DENND11: variants seen among roughly 807,000 people sequenced by gnomAD.
DENND11 encodes the protein DENN domain-containing protein 11.
In DENND11, 34 loss-of-function variants were observed where a neutral mutation model predicts 49.2. The observed-to-expected ratio is 0.69, with a 90% confidence interval of 0.53 to 0.92. DENND11 has a LOEUF of 0.92. Among genes scored for constraint, DENND11 ranks in the 40% least tolerant of loss-of-function variants. DENND11 has a pLI of 0.00. For missense variants in DENND11, 475 were observed against 581.6 expected (o/e 0.82, Z 1.88); for synonymous variants, 238 against 230.3 (o/e 1.03, Z -0.30).
chr7:141,695,167 G>A (rs1465540064), intron 1 of DENND11, among the ~76,000 whole-genome samples: 9 of 150,788 alleles, frequency 6.0e-5, no homozygotes, highest in South Asian at 2.1e-4. Flanking sequence ...TTTTTTTGCC[G>A]CACAGTGATT....
At chr7:141,694,297 A>G (rs4584068) in intron 1 of DENND11, among the ~76,000 whole-genome samples, 151,654 of 152,306 alleles carry the variant, frequency 1, 75,504 homozygotes, top group Middle Eastern at 1. Flanking sequence ...AAGAGACAGG[A>G]TTGCCCAGGC....
In DENND11 at chr7:141,662,702, T is replaced by C. The variant is rs974104174; in HGVS notation, c.1322A>G (p.Tyr441Cys). The C allele has an allele frequency of 6.8e-6, 11 of 1,608,714 alleles. No homozygotes were observed. Among genetic ancestry groups the C allele is most frequent in the African/African-American group, 1.3e-5 (1 of 74,680 alleles). ...GATAACCAGCATGACATCAATGCCATAGGCCTCCAGCAGGTCCAGGAGAAA... is the reference window on the plus strand; with the variant it reads ...GATAACCAGCATGACATCAATGCCACAGGCCTCCAGCAGGTCCAGGAGAAA... The part of the protein sequence containing the change: ...RSFLLDLLEA[Y>C]GIDVMLVIDN... Residue 441 changes from tyrosine (Y) to cysteine (C), a missense_variant, in exon 9 of 9, where the codon TAT becomes TGT. Coordinates refer to ENST00000536163, the MANE Select transcript of DENND11 (RefSeq NM_001080392.2).
intron 8 of DENND11, 113 bp downstream of exon 8, chr7:141,664,059 G>A (rs1797846964): frequency 6.8e-6 from 6 of 879,456 alleles, no homozygotes; most frequent in Admixed American, 2.1e-5. Flanking sequence ...AAGTGCCCTT[G>A]GCAGCAATAA....
chr7:141,701,960 C>A lies in DENND11; in HGVS notation c.194G>T (p.Gly65Val). The change falls in exon 1 of 9, where the codon GGG becomes GTG. Residue 65 changes from glycine (G) to valine (V), a missense_variant. Physicochemically the swap from Gly to Val is moderately radical, Grantham distance 109. Coordinates refer to ENST00000536163, the MANE Select transcript of DENND11 (RefSeq NM_001080392.2). The part of the protein sequence containing the change: ...PAAPEVLLQP[G>V]RLELGDVEED... Reference sequence around the variant, plus strand: ...CTCCACGTCGCCCAGCTCCAGGCGCCCGGGCTGCAGCAGCACCTCCGGGGC... The same window carrying A: ...CTCCACGTCGCCCAGCTCCAGGCGCACGGGCTGCAGCAGCACCTCCGGGGC... 8.4e-7 allele frequency: 1 copy of A among 1,184,360 alleles called. No homozygotes were observed. The highest frequency in any genetic ancestry group is 1.0e-6 in the Non-Finnish European group (1 of 957,954). The allele number at this position is 1,184,360 out of a possible 1,614,324, so 73.4% of individuals were successfully genotyped here.
rs967929900 is a variant in DENND11, at chr7:141,690,974, C to CT, written c.269-4317dup. Among the ~76,000 whole-genome samples the CT allele has an allele frequency of 9.9e-5, 15 of 151,686 alleles. 1 individual carries two copies. Among genetic ancestry groups the CT allele is most frequent in the Non-Finnish European group, 7.4e-5 (5 of 67,938 alleles). ...TAAGAGACTAATTTTATAGAAGGCA[C>CT]TTTTTAAAAAAAAAAAGAAATACAG... On this transcript the variant is annotated intron_variant, in intron 1 of 8. Transcript: ENST00000536163.
At chr7:141,666,494 T>C (rs942169393) in intron 4 of DENND11, 69 bp from the exon 5 acceptor site, 4 of 1,391,506 alleles carry the variant, frequency 2.9e-6, no homozygotes, top group Non-Finnish European at 3.8e-6. Flanking sequence ...TAGCAAAAGG[T>C]ATCTAATCTC....
intron 3 of DENND11, among the ~76,000 whole-genome samples, chr7:141,684,177 T>C (rs967650735): frequency 1.2e-4 from 19 of 152,182 alleles, no homozygotes; most frequent in Non-Finnish European, 2.4e-4. Flanking sequence ...TCCTCCTAAA[T>C]TGATCCTCCT....
chr7:141,675,223 C>G (rs977485056), intron 3 of DENND11, among the ~76,000 whole-genome samples: 1 of 152,140 alleles, frequency 6.6e-6, no homozygotes, highest in Non-Finnish European at 1.5e-5. Flanking sequence ...ATCTACAAGC[C>G]AAGGAACCCC....
rs1389643782 is a variant in DENND11 at position 141,665,265 on chromosome 7, T to C, written c.874A>G (p.Ile292Val). ...NVSLPGIGGT[I>V]PESKPFFYVN... is the part of the protein sequence containing the mutation. Reference sequence around the variant, plus strand: ...TAGAAGAAAGGTTTGGACTCAGGAATGGTGCCCCCGATGCCAGGCAGTGAA... The same window carrying C: ...TAGAAGAAAGGTTTGGACTCAGGAACGGTGCCCCCGATGCCAGGCAGTGAA... The change falls in exon 6 of 9, where the codon ATT becomes GTT. Residue 292 changes from isoleucine to valine, a missense_variant. Ile to Val is a conservative substitution (Grantham distance 29). Coordinates refer to ENST00000536163, the MANE Select transcript of DENND11 (RefSeq NM_001080392.2). The C allele has an allele frequency of 1.9e-6, 3 of 1,613,710 alleles. No individual in the cohort carries two copies. In the Admixed American group the frequency reaches 5.0e-5, roughly 27 times the overall value.
At position 141,662,885 on chromosome 7, in the gene DENND11, C is replaced by A. The variant is rs186113124; in HGVS notation, c.1173-34G>T. The A allele has an allele frequency of 4.8e-6, 7 of 1,466,798 alleles. No individual in the cohort carries two copies. In the African/African-American group the frequency reaches 7.3e-5, roughly 15 times the overall value. 90.9% of individuals were successfully genotyped at this position (1,466,798 alleles called of 1,614,324 possible). ...GGAAGACAAGACACAGGAAAGGAAG[C>A]GGGGGGGAATAAAAAGCTCACCAGA... On this transcript the variant is annotated intron_variant, in intron 8 of 8. Coordinates refer to ENST00000536163, the MANE Select transcript of DENND11 (RefSeq NM_001080392.2).
chr7:141,699,794 A>T (rs1798476671), intron 1 of DENND11, among the ~76,000 whole-genome samples: 1 of 152,238 alleles, frequency 6.6e-6, no homozygotes, highest in Non-Finnish European at 1.5e-5. Context: ...ATAAATGATC[A>T]TCAAATTACA....
At chr7:141,678,009 C>T (rs576796529) in intron 3 of DENND11, among the ~76,000 whole-genome samples, 1 of 151,646 alleles carries the variant, frequency 6.6e-6, no homozygotes, top group African/African-American at 2.4e-5. Flanking sequence ...GTTGCCCAGG[C>T]TGGAGTGCAG....
chr7:141,678,508 T>A (rs1158278710), intron 3 of DENND11, among the ~76,000 whole-genome samples: 1 of 152,212 alleles, frequency 6.6e-6, no homozygotes, highest in Non-Finnish European at 1.5e-5. Context: ...ATACACAAAA[T>A]GTAGAAAGAA....
In DENND11 at chr7:141,658,400, G is replaced by A. The variant is rs537549264; in HGVS notation, c.*4256C>T. 11 of 152,190 alleles carry A rather than the reference G, an allele frequency of 7.2e-5. No individual in the cohort carries two copies. In the East Asian group the frequency reaches 1.2e-3, roughly 16 times the overall value. The allele number at this position is 152,190 out of a possible 1,614,324, so 9.4% of individuals were successfully genotyped here. ...TCTCCCCCTACCTGAATCACAAAAGGGTTTTCCTGAAATGAGAGGGGATGG... is the reference window on the plus strand; with the variant it reads ...TCTCCCCCTACCTGAATCACAAAAGAGTTTTCCTGAAATGAGAGGGGATGG... On this transcript the variant is annotated 3_prime_UTR_variant, in exon 9 of 9. Coordinates refer to ENST00000536163, the MANE Select transcript of DENND11 (RefSeq NM_001080392.2).
At chr7:141,679,634 C>G (rs1339665387) in intron 3 of DENND11, among the ~76,000 whole-genome samples, 2 of 151,590 alleles carry the variant, frequency 1.3e-5, no homozygotes, top group African/African-American at 4.8e-5. Flanking sequence ...ATCGCTTGAA[C>G]CTGGGAGGCG....
chr7:141,672,937 C>T (rs1229475594), intron 4 of DENND11, among the ~76,000 whole-genome samples: 1 of 152,162 alleles, frequency 6.6e-6, no homozygotes, highest in African/African-American at 2.4e-5. Context: ...AGGATTCAAG[C>T]TCCAGGGTCT....
At position 141,701,884 on chromosome 7, in the gene DENND11, A is replaced by T; in HGVS notation, c.268+2T>A. The T allele has an allele frequency of 8.4e-7, 1 of 1,195,036 alleles. No individual in the cohort carries two copies. 74.0% of individuals were successfully genotyped at this position (1,195,036 alleles called of 1,614,324 possible). ...CGCGCCTGGCCCCGGCGCGGCCCTC[A>T]CCCGAGCGGGGGTCGAAGGTGACCA... On this transcript the variant is annotated splice_donor_variant, in intron 1 of 8. Transcript: ENST00000536163. LOFTEE classifies it high-confidence loss of function.
Position 141,701,995 on chromosome 7 carries a change from C to T in DENND11, c.159G>A (p.Glu53=). Reference sequence around the variant, plus strand: ...GCAGCACCTCCGGGGCGGCCGGCTCCTCGGGCTCCCGCCTCCGGGGCGGCT... The same window carrying T: ...GCAGCACCTCCGGGGCGGCCGGCTCTTCGGGCTCCCGCCTCCGGGGCGGCT... ...AAEPPRRREP[E]EPAAPEVLLQ... The change falls in exon 1 of 9, where the codon GAG becomes GAA. Residue 53 remains glutamate (E), a synonymous_variant. Transcript: ENST00000536163. 1 of 1,141,330 alleles carries T rather than the reference C, an allele frequency of 8.8e-7. No individual in the cohort carries two copies. Among genetic ancestry groups the T allele is most frequent in the Non-Finnish European group, 1.1e-6 (1 of 930,382 alleles). 70.7% of individuals were successfully genotyped at this position (1,141,330 alleles called of 1,614,324 possible).
intron 1 of DENND11, among the ~76,000 whole-genome samples, chr7:141,695,093 T>C (rs563136595): frequency 6.6e-6 from 1 of 152,218 alleles, no homozygotes; most frequent in South Asian, 2.1e-4. Context: ...CTATCTTTTT[T>C]TTAAAAAAAA....
Sources: allele counts gnomAD v4.1 joint callset (sites outside exome capture counted in the v4.1 genomes callset), GRCh38; gene constraint gnomAD v4.1.1; transcripts MANE v1.5; gene names NCBI Gene and HGNC (gene_info 2026-07-23, HGNC 2026-07-21).